The following FBXL17 variants were observed in gnomAD, a reference collection of about 807,000 sequenced individuals.
FBXL17 encodes F-box/LRR-repeat protein 17.
Under a neutral mutation model 66.2 loss-of-function variants are expected in FBXL17, and 22 were observed. The ratio of observed to expected loss-of-function variants is 0.33; its 90% CI spans 0.24 to 0.47. The LOEUF is 0.47. Among genes scored for constraint, FBXL17 ranks in the 20% least tolerant of loss-of-function variants. The pLI, the probability that FBXL17 is intolerant of heterozygous loss-of-function variation, is 1.00. For missense variants in FBXL17, 878 were observed against 948.2 expected (o/e 0.93, Z 0.97); for synonymous variants, 474 against 400.5 (o/e 1.18, Z -2.19).
At chr5:107,920,835 C>T (rs1215042642) in intron 7 of FBXL17, among the ~76,000 whole-genome samples, 5 of 151,914 alleles carry the variant, frequency 3.3e-5, no homozygotes, top group Non-Finnish European at 1.5e-5. Flanking sequence ...AAGAGGTCTC[C>T]ACGGTATAAT....
In FBXL17 at chr5:108,349,865, T is replaced by C. The variant is rs150714852; in HGVS notation, c.1375-1335A>G. Among the ~76,000 whole-genome samples, 1,037 of 152,302 alleles carry C rather than the reference T, an allele frequency of 6.8e-3. 6 individuals are homozygous for C. The highest frequency in any genetic ancestry group is 0.024 in the Middle Eastern group (7 of 294). On this transcript the variant is annotated intron_variant, in intron 3 of 8. Transcript: ENST00000542267. ...TTTTTTAAAAGTGCATGTTCATTTT[T>C]TATGTTATCCTCCAAATGAACTTTA...
At chr5:108,043,192 A>G (rs1747118209) in intron 6 of FBXL17, among the ~76,000 whole-genome samples, 1 of 152,136 alleles carries the variant, frequency 6.6e-6, no homozygotes, top group South Asian at 2.1e-4. Context: ...CCATCCTATT[A>G]AAAGGGTCTT....
intron 5 of FBXL17, among the ~76,000 whole-genome samples, chr5:108,196,322 A>G (rs1753679650): frequency 6.6e-6 from 1 of 152,104 alleles, no homozygotes. Context: ...CTGTAACAGC[A>G]TAATTCAGCC....
rs114800903 is a variant in FBXL17 at position 108,070,824 on chromosome 5, T to C, written c.1746-49823A>G. Among the ~76,000 whole-genome samples, 401 of 152,290 alleles carry C rather than the reference T, an allele frequency of 2.6e-3. 1 individual carries two copies. The highest frequency in any genetic ancestry group is 8.6e-3 in the African/African-American group (356 of 41,560). On this transcript the variant is annotated intron_variant, in intron 6 of 8. Transcript: ENST00000542267. ...AAAGGCCCTCTAAAGTAGAGAGGCC[T>C]AAACCCAGAATACCCACTACCATGT...
intron 7 of FBXL17, among the ~76,000 whole-genome samples, chr5:107,976,516 T>C (rs28521084): frequency 0.01 from 1,537 of 152,282 alleles, 22 homozygotes; most frequent in African/African-American, 0.035. Context: ...GTGGTGATGA[T>C]ACTGGCAGCA....
At chr5:108,111,809 G>T (rs1267831167) in intron 6 of FBXL17, among the ~76,000 whole-genome samples, 2 of 152,132 alleles carry the variant, frequency 1.3e-5, no homozygotes, top group African/African-American at 4.8e-5. Context: ...GTTTACAAAT[G>T]GATTGATTAC....
intron 4 of FBXL17, among the ~76,000 whole-genome samples, chr5:108,316,328 C>T (rs1344435098): frequency 4.0e-5 from 6 of 151,260 alleles, no homozygotes; most frequent in African/African-American, 9.7e-5. Flanking sequence ...CATTTTTATA[C>T]GGCAATATCA....
At chr5:107,986,366 G>C (rs1316937178) in intron 7 of FBXL17, among the ~76,000 whole-genome samples, 1 of 151,214 alleles carries the variant, frequency 6.6e-6, no homozygotes, top group Non-Finnish European at 1.5e-5. Flanking sequence ...ATCTTTTTAA[G>C]GCTAAAAAAA....
chr5:108,012,927 A>T (rs1013747216), intron 7 of FBXL17, among the ~76,000 whole-genome samples: 1 of 151,406 alleles, frequency 6.6e-6, no homozygotes, highest in African/African-American at 2.4e-5. Context: ...AAGCAGGAGA[A>T]TCGCTTGAAC....
rs142766068 is a variant in FBXL17 at position 108,060,362 on chromosome 5, C to G, written c.1746-39361G>C. Among the ~76,000 whole-genome samples, 238 of 152,248 alleles carry G rather than the reference C, an allele frequency of 1.6e-3. 2 individuals carry two copies. The highest frequency in any genetic ancestry group is 4.6e-3 in the South Asian group (22 of 4,820). ...GTAAAGAGGCAGTGAGATTGTGTCA[C>G]CATCCCTCTGCTGTTCAGCCAATCT... On this transcript the variant is annotated intron_variant, in intron 6 of 8. Coordinates refer to ENST00000542267, the MANE Select transcript of FBXL17 (RefSeq NM_001163315.3).
chr5:108,134,465 T>C (rs1751055952), intron 6 of FBXL17, among the ~76,000 whole-genome samples: 1 of 152,140 alleles, frequency 6.6e-6, no homozygotes, highest in African/African-American at 2.4e-5. Context: ...AACAGATAGA[T>C]ATAATTTCAG....
At chr5:107,984,606 T>C (rs564766593) in intron 7 of FBXL17, among the ~76,000 whole-genome samples, 1 of 152,280 alleles carries the variant, frequency 6.6e-6, no homozygotes, top group African/African-American at 2.4e-5. Flanking sequence ...CCTTTGTTTC[T>C]TGAAACCAAA....
chr5:107,972,366 T>TA (rs1250834858), intron 7 of FBXL17, among the ~76,000 whole-genome samples: 1 of 152,204 alleles, frequency 6.6e-6, no homozygotes, highest in Non-Finnish European at 1.5e-5. Flanking sequence ...GTAGAACTGT[T>TA]AGATTTCCTC....
At position 107,859,035 on chromosome 5, in the gene FBXL17, T is replaced by C. The variant is rs1012511232; in HGVS notation, c.*2685A>G. 1 of 152,188 alleles carries C rather than the reference T, an allele frequency of 6.6e-6. No homozygotes were observed. Among genetic ancestry groups the C allele is most frequent in the Non-Finnish European group, 1.5e-5 (1 of 68,034 alleles). 9.4% of individuals were successfully genotyped at this position (152,188 alleles called of 1,614,324 possible). A position where few individuals can be genotyped will look rare whatever the true frequency, so the allele number is the denominator to read the frequency against. On this transcript the variant is annotated 3_prime_UTR_variant, in exon 9 of 9. Coordinates refer to ENST00000542267, the MANE Select transcript of FBXL17 (RefSeq NM_001163315.3). ...CTAAAATAAAACAAAAGACACAGTG[T>C]TTTGTTTCTCTTTTATTGCAACCCA...
In FBXL17 at chr5:108,246,478, C is replaced by T. The variant is rs568875141; in HGVS notation, c.1507-22250G>A. On this transcript the variant is annotated intron_variant, in intron 4 of 8. Coordinates refer to ENST00000542267, the MANE Select transcript of FBXL17 (RefSeq NM_001163315.3). ...GTTGCAGTAAGCCATGATCATGCCACTGCACTCCACCCTAGCTGACCCTGT... is the reference window on the plus strand; with the variant it reads ...GTTGCAGTAAGCCATGATCATGCCATTGCACTCCACCCTAGCTGACCCTGT... 3.9e-5 allele frequency among the ~76,000 whole-genome samples: 6 copies of T among 152,274 alleles called. No homozygotes were observed. In the East Asian group the frequency reaches 1.2e-3, roughly 29 times the overall value.
chr5:108,050,250 A>G (rs576695535), intron 6 of FBXL17, among the ~76,000 whole-genome samples: 169 of 151,924 alleles, frequency 1.1e-3, no homozygotes, highest in African/African-American at 3.9e-3. Context: ...AACAGACATC[A>G]ACAGAATATA....
chr5:108,258,989 A>G (rs868147095), intron 4 of FBXL17, among the ~76,000 whole-genome samples: 17 of 152,170 alleles, frequency 1.1e-4, no homozygotes, highest in African/African-American at 2.7e-4. Context: ...AAGGCAGTCT[A>G]TAGATCATAG....
intron 7 of FBXL17, 94 bp from the exon 8 acceptor site, chr5:107,881,273 G>A (rs1405161252): frequency 5.4e-6 from 4 of 744,712 alleles, no homozygotes; most frequent in Non-Finnish European, 8.3e-6. Context: ...CACTAAATTT[G>A]TTCCTGAAAT....
intron 7 of FBXL17, 132 bp downstream of exon 7, chr5:108,020,793 G>T: frequency 1.9e-5 from 11 of 591,932 alleles, no homozygotes; most frequent in Admixed American, 2.9e-5. Context: ...TTATTTTTTG[G>T]TATGGTCACA....
Sources: allele counts gnomAD v4.1 joint callset (sites outside exome capture counted in the v4.1 genomes callset), GRCh38; gene constraint gnomAD v4.1.1; transcripts MANE v1.5; gene names NCBI Gene and HGNC (gene_info 2026-07-23, HGNC 2026-07-21).